ELFN2: variants seen among roughly 807,000 people sequenced by gnomAD.
The protein encoded by ELFN2 is extracellular leucine rich repeat and fibronectin type III domain containing 2.
ELFN2 carries 17 observed loss-of-function variants against 45.5 expected under a neutral mutation model. The observed-to-expected ratio is 0.37, with a 90% CI of 0.26 to 0.56. The LOEUF (loss-of-function observed/expected upper bound fraction) is 0.56. Among genes scored for constraint, ELFN2 ranks in the 20% least tolerant of loss-of-function variants. The probability of loss-of-function intolerance (pLI) is 0.77; values close to 1 mark genes in which losing one functional copy is unlikely to be tolerated. For synonymous variants in ELFN2, 550 were observed against 551.5 expected, an observed-to-expected ratio of 1.00 and a Z score of 0.04; for missense variants, 922 against 1,183.2, an observed-to-expected ratio of 0.78 and a Z score of 3.24.
intron 1 of ELFN2, among the ~76,000 whole-genome samples, chr22:37,362,882 C>T (rs190810639): frequency 6.6e-6 from 1 of 152,288 alleles, no homozygotes; most frequent in East Asian, 1.9e-4. Flanking sequence ...CTTCTGAGAG[C>T]CTTGGAAGGA....
chr22:37,366,044 T>TGAAAATGTGTG (rs1234363316), downstream of ELFN2, among the ~76,000 whole-genome samples: 1 of 152,130 alleles, frequency 6.6e-6, no homozygotes, highest in Non-Finnish European at 1.5e-5. Flanking sequence ...CAAGCACCGG[T>TGAAAATGTGTG]GAAAATGTGT....
chr22:37,361,852 A>G (rs1203083604), intron 1 of ELFN2, among the ~76,000 whole-genome samples: 3 of 152,186 alleles, frequency 2.0e-5, no homozygotes, highest in Non-Finnish European at 4.4e-5. Context: ...TGGCCTATGG[A>G]AAGTCAAGCC....
In ELFN2 at chr22:37,373,113, G is replaced by C; in HGVS notation, c.2422C>G (p.Leu808Val). The change falls in exon 3 of 3, where the codon CTT (leucine) becomes GTT (valine). Residue 808 changes from leucine to valine, a missense_variant. By Grantham distance (32) the Leu-to-Val change is conservative. Coordinates refer to ENST00000402918, the MANE Select transcript of ELFN2 (RefSeq NM_052906.5). ...FAKDEDLHDI[L>V]DYWKGVSAQQ... ...GCGGAGACCCCCTTCCAGTAATCAAGGATGTCATGCAGATCCTCGTCCTTG... is the reference window on the plus strand; with the variant it reads ...GCGGAGACCCCCTTCCAGTAATCAACGATGTCATGCAGATCCTCGTCCTTG... 1 of 1,608,340 alleles carries C rather than the reference G, an allele frequency of 6.2e-7. No individual in the cohort carries two copies. The highest frequency in any genetic ancestry group is 8.5e-7 in the Non-Finnish European group (1 of 1,175,550).
At chr22:37,344,222 A>ACCCACCTGCCCATG (rs1180427324) in intron 1 of ELFN2, among the ~76,000 whole-genome samples, 1 of 35,090 alleles carries the variant, frequency 2.8e-5, no homozygotes, top group African/African-American at 1.2e-4. Context: ...CCCTGCCCAC[A>ACCCACCTGCCCATG]CCCACCTGCC....
At chr22:37,393,066 G>A (rs6000708) in intron 2 of ELFN2, among the ~76,000 whole-genome samples, 61,170 of 152,020 alleles carry the variant, frequency 0.4, 16,163 homozygotes, top group African/African-American at 0.75. Flanking sequence ...GGGGGACAGC[G>A]CCCAGGCCCC....
chr22:37,386,579 TG>T (rs1453786784), intron 2 of ELFN2, among the ~76,000 whole-genome samples: 1 of 151,736 alleles, frequency 6.6e-6, no homozygotes, highest in Admixed American at 6.6e-5. Flanking sequence ...CCAGAGGAGG[TG>T]GGAGGGTCCA....
intron 2 of ELFN2, among the ~76,000 whole-genome samples, chr22:37,341,621 C>A (rs945520696): frequency 1.3e-5 from 2 of 152,230 alleles, no homozygotes; most frequent in Non-Finnish European, 2.9e-5. Context: ...CTGAGAACAG[C>A]CCCATCTCAG....
intron 2 of ELFN2, among the ~76,000 whole-genome samples, chr22:37,402,630 C>G (rs1932392709): frequency 6.6e-6 from 1 of 152,218 alleles, no homozygotes; most frequent in Non-Finnish European, 1.5e-5. Flanking sequence ...GAGAGTGCAG[C>G]CACCAGTCCC....
intron 1 of ELFN2, among the ~76,000 whole-genome samples, chr22:37,345,333 A>G (rs1930670691): frequency 6.6e-6 from 1 of 152,102 alleles, no homozygotes. Flanking sequence ...CAGGCTTTGG[A>G]CCCAGGATGA....
intron 2 of ELFN2, among the ~76,000 whole-genome samples, chr22:37,407,604 G>A (rs972773670): frequency 6.6e-6 from 1 of 152,054 alleles, no homozygotes; most frequent in Non-Finnish European, 1.5e-5. Flanking sequence ...TTTAGAAAAC[G>A]CCCCACCCGG....
intron 2 of ELFN2, among the ~76,000 whole-genome samples, chr22:37,382,757 G>T (rs1396377987): frequency 6.6e-6 from 1 of 152,068 alleles, no homozygotes; most frequent in Non-Finnish European, 1.5e-5. Context: ...TCACCACGTT[G>T]CCCAGGCTGG....
intron 1 of ELFN2, among the ~76,000 whole-genome samples, chr22:37,352,682 G>T (rs369074611): frequency 9.3e-5 from 14 of 150,852 alleles, no homozygotes; most frequent in African/African-American, 3.1e-4. Context: ...GCTGGAACAC[G>T]TGTGGTTGTT....
chr22:37,393,073 C>A (rs1569137774), intron 2 of ELFN2, among the ~76,000 whole-genome samples: 1 of 152,202 alleles, frequency 6.6e-6, no homozygotes, highest in Non-Finnish European at 1.5e-5. Flanking sequence ...AGCGCCCAGG[C>A]CCCGGGGCTA....
chr22:37,355,083 T>C (rs1930916809), intron 1 of ELFN2, among the ~76,000 whole-genome samples: 1 of 152,194 alleles, frequency 6.6e-6, no homozygotes, highest in South Asian at 2.1e-4. Context: ...GGATACCCCC[T>C]CTTTCTTTTC....
chr22:37,422,380 GT>G (rs59591692), intron 1 of ELFN2, among the ~76,000 whole-genome samples: 11,951 of 151,570 alleles, frequency 0.079, 685 homozygotes, highest in African/African-American at 0.16. Flanking sequence ...TTAAGAATTC[GT>G]TTTTTTTGTT....
At chr22:37,401,174 A>T (rs904522757) in intron 2 of ELFN2, among the ~76,000 whole-genome samples, 1 of 152,240 alleles carries the variant, frequency 6.6e-6, no homozygotes, top group African/African-American at 2.4e-5. Flanking sequence ...TCTCAGGCCT[A>T]TTGGAGACAA....
At chr22:37,345,189 C>A (rs973643738) in intron 1 of ELFN2, among the ~76,000 whole-genome samples, 1 of 152,236 alleles carries the variant, frequency 6.6e-6, no homozygotes, top group African/African-American at 2.4e-5. Context: ...TCCTCGCCAT[C>A]CCCAGTCTTT....
chr22:37,394,831 G>A (rs778742564), intron 2 of ELFN2, among the ~76,000 whole-genome samples: 9 of 152,146 alleles, frequency 5.9e-5, no homozygotes, highest in Admixed American at 1.3e-4. Context: ...CAGGCCAGGC[G>A]CAATGGCTCA....
chr22:37,403,533 G>A (rs1932417851), intron 2 of ELFN2, among the ~76,000 whole-genome samples: 1 of 152,218 alleles, frequency 6.6e-6, no homozygotes, highest in Admixed American at 6.5e-5. Flanking sequence ...GGGCGGTTTG[G>A]GCTCCCGGGT....
Sources: allele counts gnomAD v4.1 joint callset (sites outside exome capture counted in the v4.1 genomes callset), GRCh38; gene constraint gnomAD v4.1.1; transcripts MANE v1.5; gene names NCBI Gene and HGNC (gene_info 2026-07-23, HGNC 2026-07-21).